ADAMTS9: variants seen among roughly 807,000 people sequenced by gnomAD.
ADAMTS9 encodes the protein ADAM metallopeptidase with thrombospondin type 1 motif 9, also known as A disintegrin and metalloproteinase with thrombospondin motifs 9.
A neutral mutation model predicts 257.1 loss-of-function variants in ADAMTS9; 107 were observed. The ratio of observed to expected loss-of-function variants is 0.42; its 90% CI spans 0.36 to 0.49. The LOEUF (loss-of-function observed/expected upper bound fraction) is 0.49, where lower values mean the gene tolerates loss of function less well. Ranked by LOEUF, ADAMTS9 falls within the 20% of genes least tolerant of loss-of-function variation. The pLI is 0.03. For synonymous variants in ADAMTS9, 982 were observed against 880.9 expected (o/e 1.11, Z -2.03); for missense variants, 2,353 against 2,469.1 (o/e 0.95, Z 1.00).
intron 39 of ADAMTS9, among the ~76,000 whole-genome samples, chr3:64,517,416 G>GTTTTTGTTTTTTTTTT (rs2082789346): frequency 1.9e-5 from 1 of 52,638 alleles, no homozygotes; most frequent in African/African-American, 5.3e-5. Context: ...ATTAAAAATG[G>GTTTTTGTTTTTTTTTT]TTTTTTTTTT....
At chr3:64,668,858 G>A (rs1001651656) in intron 3 of ADAMTS9, among the ~76,000 whole-genome samples, 4 of 152,182 alleles carry the variant, frequency 2.6e-5, no homozygotes, top group African/African-American at 9.7e-5. Context: ...TTAAAGCGCA[G>A]TTGGGCTGGA....
intron 19 of ADAMTS9, among the ~76,000 whole-genome samples, chr3:64,618,570 A>G (rs888962820): frequency 6.6e-6 from 1 of 152,326 alleles, no homozygotes; most frequent in Non-Finnish European, 1.5e-5. Context: ...TGCGTGCTTC[A>G]CTAAGCCTCA....
chr3:64,656,708 C>G (rs1033058507), intron 4 of ADAMTS9, among the ~76,000 whole-genome samples: 4 of 152,132 alleles, frequency 2.6e-5, no homozygotes, highest in Non-Finnish European at 2.9e-5. Context: ...TCCCTTCCCT[C>G]ATGGGCATGA....
At position 64,687,388 on chromosome 3, in the gene ADAMTS9, G is replaced by A. The variant is rs1203211814; in HGVS notation, c.115+155C>T. 6.6e-6 allele frequency among the ~76,000 whole-genome samples: 1 copy of A among 152,160 alleles called. No homozygotes were observed. Among genetic ancestry groups the A allele is most frequent in the Admixed American group, 6.5e-5 (1 of 15,282 alleles). ...TAGTGTCCCTCCCTAGCAATTGGTT[G>A]GGGATGACCCAAAGAAGGGAGAGGC... On this transcript the variant is annotated intron_variant, in intron 1 of 39. Transcript: ENST00000498707. This position sits in a 1 kb window ranked among gnomAD's most constrained non-coding sequence, Gnocchi z 4.4.
chr3:64,611,257 G>A (rs958702756), intron 22 of ADAMTS9, among the ~76,000 whole-genome samples: 4 of 152,102 alleles, frequency 2.6e-5, no homozygotes, highest in Admixed American at 6.6e-5. Context: ...TGGCCATTGA[G>A]GGATAAATGG....
At chr3:64,630,027 G>T (rs1700329049) in intron 16 of ADAMTS9, among the ~76,000 whole-genome samples, 1 of 151,172 alleles carries the variant, frequency 6.6e-6, no homozygotes, top group South Asian at 2.1e-4. Context: ...TGAATAAATA[G>T]AGTTCCTGCC....
chr3:64,609,931 G>A (rs1388453773), intron 22 of ADAMTS9, among the ~76,000 whole-genome samples: 1 of 152,126 alleles, frequency 6.6e-6, no homozygotes, highest in Non-Finnish European at 1.5e-5. Context: ...ATAGACTACT[G>A]ACATAAAATC....
intron 24 of ADAMTS9, 48 bp downstream of exon 24, chr3:64,604,179 T>A: frequency 6.2e-7 from 1 of 1,600,600 alleles, no homozygotes; most frequent in South Asian, 1.1e-5. Context: ...TGTCTGAGAA[T>A]GTTAGCCCCC....
chr3:64,644,048 A>G (rs1199293281), intron 11 of ADAMTS9, among the ~76,000 whole-genome samples: 1 of 152,196 alleles, frequency 6.6e-6, no homozygotes, highest in Non-Finnish European at 1.5e-5. Flanking sequence ...ACTGGCCAAA[A>G]TTATTTGGAG....
chr3:64,601,483 C>A (rs1235781404), intron 26 of ADAMTS9, among the ~76,000 whole-genome samples: 1 of 152,190 alleles, frequency 6.6e-6, no homozygotes, highest in African/African-American at 2.4e-5. Context: ...TCCCCCTAAT[C>A]CAGGACAATG....
At chr3:64,654,652 A>T (rs1701018163) in intron 6 of ADAMTS9, 40 bp from the exon 7 acceptor site, 3 of 1,601,434 alleles carry the variant, frequency 1.9e-6, no homozygotes, top group Middle Eastern at 1.7e-4. Flanking sequence ...GACATCAAAG[A>T]GTAAATGTCA....
At chr3:64,683,911 G>A (rs1320386978) in intron 2 of ADAMTS9, among the ~76,000 whole-genome samples, 1 of 152,098 alleles carries the variant, frequency 6.6e-6, no homozygotes, top group African/African-American at 2.4e-5. Flanking sequence ...TCTATGAAGG[G>A]GGAGGGGGAG....
At chr3:64,588,154 A>G (rs1258832592) in intron 28 of ADAMTS9, 1 of 152,256 alleles carries the variant, frequency 6.6e-6, no homozygotes, top group Non-Finnish European at 1.5e-5. Context: ...TTGCTAATTT[A>G]TACTTACTGA....
intron 31 of ADAMTS9, 125 bp downstream of exon 31, chr3:64,550,767 C>T (rs1576007137): frequency 8.3e-7 from 1 of 1,202,388 alleles, no homozygotes; most frequent in East Asian, 2.4e-5. Flanking sequence ...ACACACAGTT[C>T]ACAGTGGCAA....
intron 19 of ADAMTS9, among the ~76,000 whole-genome samples, chr3:64,619,303 C>CA (rs1700046515): frequency 6.6e-6 from 1 of 151,632 alleles, no homozygotes; most frequent in Non-Finnish European, 1.5e-5. Flanking sequence ...AGGGATGGGG[C>CA]AAAAAAACTC....
rs1302504334 is a variant in ADAMTS9 at position 64,602,178 on chromosome 3, C to T, written c.3783G>A (p.Arg1261=). 2 of 1,613,976 alleles carry T rather than the reference C, an allele frequency of 1.2e-6. No individual in the cohort carries two copies. Among genetic ancestry groups the T allele is most frequent in the Non-Finnish European group, 1.7e-6 (2 of 1,179,942 alleles). Residue 1261 remains arginine (R), a synonymous_variant, in exon 26 of 40, where the codon CGG becomes CGA. Coordinates refer to ENST00000498707, the MANE Select transcript of ADAMTS9 (RefSeq NM_182920.2). ...SVTCGQGRAT[R]QVMCVNYSDH... ...CACTGTAGTTGACACACATCACTTG[C>T]CGGGTTGCCCTACCTTGCCCACAGG...
intron 3 of ADAMTS9, among the ~76,000 whole-genome samples, chr3:64,675,387 TA>T (rs1249315403): frequency 1.3e-5 from 2 of 152,172 alleles, no homozygotes; most frequent in Non-Finnish European, 2.9e-5. Flanking sequence ...AAAATGAAGT[TA>T]AAAAGGGGTT....
At chr3:64,561,868 T>C in intron 29 of ADAMTS9, 117 bp from the exon 30 acceptor site, 1 of 851,378 alleles carries the variant, frequency 1.2e-6, no homozygotes, top group East Asian at 2.6e-5. Context: ...CTTTCATAGC[T>C]ATCACATCGC....
At chr3:64,680,330 A>T (rs1701722041) in intron 3 of ADAMTS9, among the ~76,000 whole-genome samples, 1 of 152,222 alleles carries the variant, frequency 6.6e-6, no homozygotes, top group South Asian at 2.1e-4. Flanking sequence ...ATAGAAAGAA[A>T]GATAAAGTTT....
Sources: allele counts gnomAD v4.1 joint callset (sites outside exome capture counted in the v4.1 genomes callset), GRCh38; gene constraint gnomAD v4.1.1; non-coding constraint Gnocchi (gnomAD v3.1); transcripts MANE v1.5; gene names NCBI Gene and HGNC (gene_info 2026-07-23, HGNC 2026-07-21).